The following SNX12 variants were observed in gnomAD, a reference collection of about 807,000 sequenced individuals.
SNX12 encodes the protein sorting nexin 12, also known as sorting nexin-12.
For synonymous variants in SNX12, 47 were observed against 56.0 expected (o/e 0.84, Z 0.71); for missense variants, 62 against 141.3 (o/e 0.44, Z 2.84).
upstream of SNX12, chrX:71,068,429 A>G (rs2092163386): frequency 3.8e-6 from 2 of 525,835 alleles, no homozygotes; most frequent in African/African-American, 2.5e-5. Flanking sequence ...GGCGGCGCGC[A>G]CGCGCGCCCA....
chrX:71,065,748 G>A (rs1457889951), intron 1 of SNX12, among the ~76,000 whole-genome samples: 1 of 109,539 alleles, frequency 9.1e-6, no homozygotes, highest in Non-Finnish European at 1.9e-5. Context: ...AGGTTGCAGT[G>A]AGCCGAGATC....
At chrX:71,071,264 A>G (rs2092170469), upstream of SNX12, among the ~76,000 whole-genome samples, 1 of 104,436 alleles carries the variant, frequency 9.6e-6, no homozygotes, top group Non-Finnish European at 1.9e-5. Context: ...ATAATTTCTT[A>G]TGCTTGTTGA....
intron 1 of SNX12, among the ~76,000 whole-genome samples, chrX:71,064,666 G>A (rs1312716663): frequency 8.9e-6 from 1 of 112,652 alleles, no homozygotes; most frequent in Non-Finnish European, 1.9e-5. Flanking sequence ...GTGGCAACAC[G>A]AATCCCCTGA....
rs760709453 is a variant in SNX12 at position 71,062,850 on chromosome X, A to T, written c.261+4T>A. The T allele has an allele frequency of 3.6e-5, 42 of 1,182,911 alleles. No homozygotes were observed. The highest frequency in any genetic ancestry group is 4.7e-5 in the Non-Finnish European group (41 of 871,281). Reference sequence around the variant, plus strand: ...AAGATGCCACACAGAGAACAAAGCCATACCTTGCTATCTCTCTCCAGCTCA... The same window carrying T: ...AAGATGCCACACAGAGAACAAAGCCTTACCTTGCTATCTCTCTCCAGCTCA... On this transcript the variant is annotated splice_donor_region_variant and intron_variant, in intron 2 of 3. Transcript: ENST00000374274.
chrX:71,071,942 A>G (rs1367654892), upstream of SNX12, among the ~76,000 whole-genome samples: 1 of 108,626 alleles, frequency 9.2e-6, no homozygotes. Context: ...TGGGAAAACC[A>G]TTAAAGGGCA....
chrX:71,071,589 T>A (rs1181879435), upstream of SNX12, among the ~76,000 whole-genome samples: 1 of 49,840 alleles, frequency 2.0e-5, no homozygotes, highest in Admixed American at 4.8e-4. Flanking sequence ...TATAAATATA[T>A]AATATTTATA....
chrX:71,067,001 C>CAT (rs1251949873), intron 1 of SNX12, among the ~76,000 whole-genome samples: 2 of 112,550 alleles, frequency 1.8e-5, no homozygotes, highest in Non-Finnish European at 3.7e-5. Flanking sequence ...AATGAAAGCA[C>CAT]ATACACTCTT....
At chrX:71,072,979 T>G (rs2092177508), upstream of SNX12, among the ~76,000 whole-genome samples, 1 of 91,409 alleles carries the variant, frequency 1.1e-5, no homozygotes, top group Non-Finnish European at 2.1e-5. Flanking sequence ...AAGTTCAGAG[T>G]TACTAAGTGA....
chrX:71,070,739 G>T (rs150544245), upstream of SNX12, among the ~76,000 whole-genome samples: 416 of 111,208 alleles, frequency 3.7e-3, 2 homozygotes, highest in Non-Finnish European at 5.8e-3. Flanking sequence ...GTGAGGGCAT[G>T]CAGTTTTGGT....
rs760619482 is a variant in SNX12 at position 71,068,102 on chromosome X, C to T, written c.165+40G>A. 6 of 1,124,884 alleles carry T rather than the reference C, an allele frequency of 5.3e-6. No homozygotes were observed. The African/African-American group carries it at 9.4e-5, about 18-fold the overall frequency. The allele number at this position is 1,124,884 out of a possible 1,213,427, so 92.7% of individuals were successfully genotyped here. A position where few individuals can be genotyped will look rare whatever the true frequency, so the allele number is the denominator to read the frequency against. On this transcript the variant is annotated intron_variant, in intron 1 of 3. Transcript: ENST00000374274. ...CCCTCCCCCCTCCCGCTCGCGCCGC[C>T]CGGTCCTCCCTCAGCTGTCTCCCTC...
At chrX:71,065,526 C>T (rs956720691) in intron 1 of SNX12, among the ~76,000 whole-genome samples, 2 of 106,291 alleles carry the variant, frequency 1.9e-5, no homozygotes, top group Admixed American at 2.0e-4. Flanking sequence ...AAAATTAGGC[C>T]GGGCATGGTG....
chrX:71,060,912 C>T lies in SNX12; in HGVS notation c.*104G>A, dbSNP rs755580491. ...CACAATGCCAGACAGTCTATCAGGCCAGGAGATGGGCAGCCAACTTCAGAT... is the reference window on the plus strand; with the variant it reads ...CACAATGCCAGACAGTCTATCAGGCTAGGAGATGGGCAGCCAACTTCAGAT... On this transcript the variant is annotated 3_prime_UTR_variant, in exon 4 of 4. Transcript: ENST00000374274. 1 of 590,552 alleles carries T rather than the reference C, an allele frequency of 1.7e-6. No homozygotes were observed. Among genetic ancestry groups the T allele is most frequent in the East Asian group, 3.6e-5 (1 of 27,633 alleles). The allele number at this position is 590,552 out of a possible 1,213,427, so 48.7% of individuals were successfully genotyped here.
upstream of SNX12, among the ~76,000 whole-genome samples, chrX:71,071,391 AAAT>A (rs550755331): frequency 0.018 from 1,642 of 92,104 alleles, 23 homozygotes; most frequent in African/African-American, 0.031. Flanking sequence ...TTATAATTAT[AAAT>A]AATATAATGT....
At chrX:71,062,030 A>G in intron 2 of SNX12, 63 bp from the exon 3 acceptor site, 2 of 1,064,906 alleles carry the variant, frequency 1.9e-6, no homozygotes, top group South Asian at 2.2e-5. Context: ...GAGATGGTAA[A>G]GCACCGTGTA....
intron 1 of SNX12, 22 bp from the exon 2 acceptor site, chrX:71,062,971 A>T (rs1470603737): frequency 9.4e-7 from 1 of 1,067,157 alleles, no homozygotes; most frequent in South Asian, 1.9e-5. Context: ...GAAAAATTAA[A>T]GAAGAAAGAT....
At chrX:71,062,361 C>A (rs1246013705) in intron 2 of SNX12, among the ~76,000 whole-genome samples, 1 of 104,139 alleles carries the variant, frequency 9.6e-6, no homozygotes, top group Non-Finnish European at 1.9e-5. Context: ...CCTGAACTTA[C>A]CACTTTCTTT....
chrX:71,063,161 T>C (rs771286076), intron 1 of SNX12, among the ~76,000 whole-genome samples: 7 of 111,685 alleles, frequency 6.3e-5, no homozygotes, highest in Non-Finnish European at 1.3e-4. Context: ...TGCTTTGAAT[T>C]TATCCTACAA....
At chrX:71,066,017 T>TTA (rs2092151856) in intron 1 of SNX12, among the ~76,000 whole-genome samples, 1 of 110,849 alleles carries the variant, frequency 9.0e-6, no homozygotes, top group African/African-American at 3.3e-5. Context: ...GATTAAAAGT[T>TTA]TAGTGAGTAG....
upstream of SNX12, among the ~76,000 whole-genome samples, chrX:71,068,745 C>G (rs2092164640): frequency 1.8e-5 from 2 of 112,380 alleles, no homozygotes; most frequent in Non-Finnish European, 3.8e-5. Flanking sequence ...TGAATAAGTC[C>G]TGGTTTTCCG....
Sources: allele counts gnomAD v4.1 joint callset (sites outside exome capture counted in the v4.1 genomes callset), GRCh38; gene constraint gnomAD v4.1.1; transcripts MANE v1.5; gene names NCBI Gene and HGNC (gene_info 2026-07-23, HGNC 2026-07-21).